Variants in STK26 observed in about 807,000 individuals in gnomAD.
The protein encoded by STK26 is serine/threonine-protein kinase 26.
A neutral mutation model predicts 34.7 loss-of-function variants in STK26; 14 were observed. That is an observed-to-expected ratio of 0.40 (90% CI 0.27 to 0.63). STK26 has a LOEUF of 0.63. Ranked by LOEUF, STK26 falls within the 30% of genes least tolerant of loss-of-function variation. The pLI, the probability that STK26 is intolerant of heterozygous loss-of-function variation, is 0.38. For synonymous variants in STK26, 100 were observed against 109.8 expected (o/e 0.91, Z 0.56); for missense variants, 226 against 309.1 (o/e 0.73, Z 2.02).
intron 2 of STK26, among the ~76,000 whole-genome samples, chrX:132,038,005 G>C (rs1390064102): frequency 9.1e-6 from 1 of 109,701 alleles, no homozygotes; most frequent in African/African-American, 3.3e-5. Flanking sequence ...AACTATTACC[G>C]CTGTTGCTAT....
chrX:132,054,089 A>G (rs1926776413), intron 2 of STK26, among the ~76,000 whole-genome samples: 1 of 112,168 alleles, frequency 8.9e-6, no homozygotes, highest in Non-Finnish European at 1.9e-5. Context: ...TTACATATAG[A>G]TAAGATTCCA....
chrX:132,050,620 A>G (rs762680927), intron 2 of STK26, among the ~76,000 whole-genome samples: 13 of 112,157 alleles, frequency 1.2e-4, no homozygotes, highest in Non-Finnish European at 2.4e-4. Context: ...TATACAGTTA[A>G]AACCCATGTT....
At position 132,055,587 on chromosome X, in the gene STK26, T is replaced by G; in HGVS notation, c.273+726T>G. ...GTCAGGATTCGTGTCTGTTGAAATG[T>G]GAATAATAAATAGTTGAAGAAAAGC... On this transcript the variant is annotated intron_variant, in intron 3 of 11. Coordinates refer to ENST00000394334, the MANE Select transcript of STK26 (RefSeq NM_016542.4). 3.3e-6 allele frequency: 3 copies of G among 907,132 alleles called. No individual in the cohort carries two copies. The Middle Eastern group carries it at 8.1e-4, about 246-fold the overall frequency. The allele number at this position is 907,132 out of a possible 1,213,427, so 74.8% of individuals were successfully genotyped here. A position where few individuals can be genotyped will look rare whatever the true frequency, so the allele number is the denominator to read the frequency against.
chrX:132,074,303 T>C lies in STK26; in HGVS notation c.*144T>C, dbSNP rs1450968666. The C allele has an allele frequency of 3.9e-6, 2 of 507,452 alleles. No individual in the cohort carries two copies. Among genetic ancestry groups the C allele is most frequent in the African/African-American group, 2.5e-5 (1 of 40,699 alleles). The allele number at this position is 507,452 out of a possible 1,213,427, so 41.8% of individuals were successfully genotyped here. A position where few individuals can be genotyped will look rare whatever the true frequency, so the allele number is the denominator to read the frequency against. The stretch of plus-strand genomic sequence containing the variant: ...AGATTTGGAAGAAGCTATTAAACTA[T>C]TTTGTGATGGCGTTTATCATTTTAT... On this transcript the variant is annotated 3_prime_UTR_variant, in exon 12 of 12. Coordinates refer to ENST00000394334, the MANE Select transcript of STK26 (RefSeq NM_016542.4).
intron 3 of STK26, among the ~76,000 whole-genome samples, chrX:132,057,794 A>G (rs1251920657): frequency 1.8e-5 from 2 of 112,101 alleles, no homozygotes; most frequent in African/African-American, 6.5e-5. Flanking sequence ...ACTATATATT[A>G]CACACTGTAT....
intron 2 of STK26, among the ~76,000 whole-genome samples, chrX:132,049,083 G>A (rs968302535): frequency 2.0e-4 from 22 of 111,627 alleles, no homozygotes; most frequent in African/African-American, 6.5e-4. Flanking sequence ...GGCTCAGGTG[G>A]TCCTCCCACC....
chrX:132,062,480 A>C (rs1291642552), intron 3 of STK26, among the ~76,000 whole-genome samples: 3 of 112,131 alleles, frequency 2.7e-5, no homozygotes, highest in Non-Finnish European at 3.8e-5. Flanking sequence ...GAGAAAGCAC[A>C]GATTTTTAAA....
chrX:132,041,144 A>T (rs1421358469), intron 2 of STK26, among the ~76,000 whole-genome samples: 4 of 110,924 alleles, frequency 3.6e-5, no homozygotes, highest in Admixed American at 9.6e-5. Flanking sequence ...CACAACCTTT[A>T]TTTTTTCACT....
chrX:132,023,857 G>A (rs1010413930), intron 2 of STK26, among the ~76,000 whole-genome samples, 198 bp downstream of exon 2: 8 of 112,312 alleles, frequency 7.1e-5, no homozygotes, highest in Non-Finnish European at 9.4e-5. Context: ...TCGCTGGGAA[G>A]GCGAGGCGGG....
At chrX:132,042,501 A>G (rs1926302713) in intron 2 of STK26, among the ~76,000 whole-genome samples, 2 of 111,088 alleles carry the variant, frequency 1.8e-5, no homozygotes, top group South Asian at 7.5e-4. Flanking sequence ...GTTTTCAGGT[A>G]CAACTATTTC....
At chrX:132,070,723 T>C (rs1292435573) in intron 7 of STK26, among the ~76,000 whole-genome samples, 1 of 112,837 alleles carries the variant, frequency 8.9e-6, no homozygotes, top group East Asian at 2.8e-4. Flanking sequence ...TAAAGTATTT[T>C]AGAACACTAC....
chrX:132,045,498 C>T (rs766933621), intron 2 of STK26, among the ~76,000 whole-genome samples: 1 of 111,780 alleles, frequency 8.9e-6, no homozygotes, highest in Non-Finnish European at 1.9e-5. Context: ...ATGGTGAAAT[C>T]GACATTAAGT....
chrX:132,066,989 C>T (rs995524468), intron 4 of STK26, among the ~76,000 whole-genome samples: 1 of 111,762 alleles, frequency 8.9e-6, no homozygotes, highest in Non-Finnish European at 1.9e-5. Flanking sequence ...TTCAACCTTT[C>T]TAGAAGACTT....
intron 2 of STK26, among the ~76,000 whole-genome samples, chrX:132,031,797 A>G (rs182274147): frequency 1.8e-5 from 2 of 112,328 alleles, no homozygotes; most frequent in Non-Finnish European, 3.8e-5. Flanking sequence ...TAGAAATCAA[A>G]TATTTATTGA....
rs1025837586 is a variant in STK26, at chrX:132,074,148, G to A, written c.1240G>A (p.Glu414Lys). ...IEKFQKCSAD[E>K]SP ...AAAATTTTATAGGTGTTCAGCAGAC[G>A]AATCCCCCTAAGAAACTTATTATTG... The change falls in exon 12 of 12, where the codon GAA becomes AAA. Residue 414 changes from glutamate to lysine, a missense_variant. Physicochemically the swap from Glu to Lys is moderately conservative, Grantham distance 56. Around this residue, in one of 2 missense-constraint regions of STK26, gnomAD observed 126 missense variants for 132.4 expected, o/e 0.95. Coordinates refer to ENST00000394334, the MANE Select transcript of STK26 (RefSeq NM_016542.4). The A allele has an allele frequency of 1.7e-6, 2 of 1,202,888 alleles. No homozygotes were observed. Among genetic ancestry groups the A allele is most frequent in the South Asian group, 1.8e-5 (1 of 55,625 alleles).
chrX:132,035,706 A>G (rs1013414500), intron 2 of STK26, among the ~76,000 whole-genome samples: 7 of 109,110 alleles, frequency 6.4e-5, no homozygotes, highest in African/African-American at 2.3e-4. Context: ...AGTGATATAA[A>G]TGGCAGTATC....
chrX:132,024,099 T>TGGC (rs753601514), intron 2 of STK26, among the ~76,000 whole-genome samples: 404 of 110,396 alleles, frequency 3.7e-3, no homozygotes, highest in African/African-American at 0.013. Context: ...ACACCAGGGG[T>TGGC]GGCGGCGGCG....
chrX:132,057,022 C>G (rs1186255398), intron 3 of STK26, among the ~76,000 whole-genome samples: 1 of 111,914 alleles, frequency 8.9e-6, no homozygotes, highest in African/African-American at 3.2e-5. Context: ...GAAACCTTGG[C>G]TCCGGGGCCC....
chrX:132,071,190 A>T lies in STK26; in HGVS notation c.905A>T (p.Asp302Val), dbSNP rs1223965777. ...TGGAAGGCAGAAGGACACAGTGATG[A>T]TGAATCTGATTCCGAGGGCTCTGAT... ...KRWKAEGHSD[D>V]ESDSEGSDSE... is the part of the protein sequence containing the mutation. Residue 302 changes from aspartate to valine, a missense_variant, in exon 8 of 12, where the codon GAT (aspartate) becomes GTT (valine). Asp to Val is a radical substitution (Grantham distance 152). Coordinates refer to ENST00000394334, the MANE Select transcript of STK26 (RefSeq NM_016542.4). 3.3e-6 allele frequency: 4 copies of T among 1,210,720 alleles called. No homozygotes were observed.
Sources: gnomAD v4.1 joint callset for allele counts (sites outside exome capture counted in the v4.1 genomes callset) on GRCh38, gnomAD v4.1.1 for gene constraint, gnomAD v4.1.1 regional missense constraint, MANE v1.5 for transcripts, NCBI Gene and HGNC (gene_info 2026-07-23, HGNC 2026-07-21) for gene names.